Variants in RTN4RL1 observed in about 807,000 individuals in gnomAD.
The protein encoded by RTN4RL1 is reticulon-4 receptor-like 1.
RTN4RL1 carries 7 observed loss-of-function variants against 25.6 expected under a neutral mutation model. The observed-to-expected ratio is 0.27, with a 90% CI of 0.16 to 0.51. The LOEUF is 0.51. Among genes scored for constraint, RTN4RL1 ranks in the 20% least tolerant of loss-of-function variants. The probability of loss-of-function intolerance (pLI) is 0.97; values close to 1 mark genes in which losing one functional copy is unlikely to be tolerated. For synonymous variants in RTN4RL1, 297 were observed against 288.2 expected, an observed-to-expected ratio of 1.03 and a Z score of -0.31; for missense variants, 500 against 615.6, an observed-to-expected ratio of 0.81 and a Z score of 1.99.
intron 1 of RTN4RL1, among the ~76,000 whole-genome samples, chr17:2,002,820 C>T (rs78019703): frequency 0.016 from 2,435 of 152,244 alleles, 67 homozygotes; most frequent in African/African-American, 0.056. Context: ...CAGCCAGGGT[C>T]CTCCATACCC....
At chr17:2,022,474 A>G (rs577765275) in intron 1 of RTN4RL1, among the ~76,000 whole-genome samples, 39 of 152,232 alleles carry the variant, frequency 2.6e-4, no homozygotes, top group Admixed American at 2.5e-3. Flanking sequence ...TTCGCTTGGA[A>G]ACTTTGGGAA....
chr17:1,943,727 G>T (rs1165505390), intron 1 of RTN4RL1, among the ~76,000 whole-genome samples: 1 of 152,176 alleles, frequency 6.6e-6, no homozygotes, highest in Non-Finnish European at 1.5e-5. Context: ...TTCCTGGTGG[G>T]CCCATCATCC....
chr17:1,995,870 G>A (rs972285112), intron 1 of RTN4RL1, among the ~76,000 whole-genome samples: 10 of 152,210 alleles, frequency 6.6e-5, no homozygotes, highest in African/African-American at 1.4e-4. Context: ...TTCTCAGACC[G>A]CCTTCTCCTG....
intron 1 of RTN4RL1, among the ~76,000 whole-genome samples, chr17:1,965,599 C>T (rs2066787120): frequency 6.6e-6 from 1 of 152,078 alleles, no homozygotes; most frequent in Non-Finnish European, 1.5e-5. Context: ...ACCCAGTTAC[C>T]GTGGAGGAGC....
Position 1,961,333 on chromosome 17 carries a change from G to A in RTN4RL1, c.14-23525C>T, listed in dbSNP as rs529470851. Among the ~76,000 whole-genome samples the A allele has an allele frequency of 5.3e-5, 8 of 152,334 alleles. No homozygotes were observed. The East Asian group carries it at 5.8e-4, about 11-fold the overall frequency. ...GGTGGAAGGGGCATTGGAGGACGAC[G>A]GGGCAGGGCATTCCAGGCAGAAGGA... On this transcript the variant is annotated intron_variant, in intron 1 of 1. Coordinates refer to ENST00000331238, the MANE Select transcript of RTN4RL1 (RefSeq NM_178568.4).
rs776650142 is a variant in RTN4RL1 at position 1,936,820 on chromosome 17, G to A, written c.1002C>T (p.Gly334=). 3 of 1,584,048 alleles carry A rather than the reference G, an allele frequency of 1.9e-6. No individual in the cohort carries two copies. Among genetic ancestry groups the A allele is most frequent in the Admixed American group, 1.8e-5 (1 of 55,182 alleles). Residue 334 remains glycine, a synonymous_variant, in exon 2 of 2, where the codon GGC becomes GGT. Coordinates refer to ENST00000331238, the MANE Select transcript of RTN4RL1 (RefSeq NM_178568.4). ...GCGGGTGGCCCTTGCTCCTGGTGGG[G>A]CCGTGGGGTGAGTGGTGTTCCTTGC... ...AARKEHHSPH[G]PTRSKGHPHG...
At chr17:2,016,165 G>T (rs1257544749) in intron 1 of RTN4RL1, among the ~76,000 whole-genome samples, 1 of 152,232 alleles carries the variant, frequency 6.6e-6, no homozygotes, top group East Asian at 1.9e-4. Context: ...AGGATCACCT[G>T]AGGTTAGGAG....
chr17:1,947,524 C>A (rs1915581855), intron 1 of RTN4RL1, among the ~76,000 whole-genome samples: 1 of 152,224 alleles, frequency 6.6e-6, no homozygotes, highest in African/African-American at 2.4e-5. Flanking sequence ...GAATTATGTA[C>A]CCACTCCAGG....
rs113632631 is a variant in RTN4RL1, at chr17:1,990,375, C to T, written c.13+34478G>A. ...AGCAAGACTCCATCTCAAAAATAAACAAATAAAATAAAATAATGAAAAATA... is the reference window on the plus strand; with the variant it reads ...AGCAAGACTCCATCTCAAAAATAAATAAATAAAATAAAATAATGAAAAATA... On this transcript the variant is annotated intron_variant, in intron 1 of 1. Transcript: ENST00000331238. Among the ~76,000 whole-genome samples, 1,384 of 151,370 alleles carry T rather than the reference C, an allele frequency of 9.1e-3. 31 individuals are homozygous for T. The highest frequency in any genetic ancestry group is 0.032 in the African/African-American group (1,316 of 41,212).
At chr17:1,943,691 C>G (rs1915483481) in intron 1 of RTN4RL1, among the ~76,000 whole-genome samples, 1 of 152,232 alleles carries the variant, frequency 6.6e-6, no homozygotes. Flanking sequence ...CACTGTCCCT[C>G]CATGCTGCAC....
intron 1 of RTN4RL1, among the ~76,000 whole-genome samples, chr17:2,005,808 T>C (rs370147948): frequency 2.5e-5 from 3 of 121,042 alleles, no homozygotes; most frequent in Admixed American, 8.3e-5. Flanking sequence ...TTCCTTTTTT[T>C]TTTTTTGACA....
intron 1 of RTN4RL1, among the ~76,000 whole-genome samples, chr17:1,950,905 T>A (rs1915660170): frequency 7.1e-6 from 1 of 141,476 alleles, no homozygotes; most frequent in Non-Finnish European, 1.5e-5. Flanking sequence ...AGACTCTCTC[T>A]CTCTCTCTGT....
At position 1,934,958 on chromosome 17, in the gene RTN4RL1, G is replaced by A. The variant is rs1915264762; in HGVS notation, c.*1538C>T. 6.6e-6 allele frequency: 1 copy of A among 152,320 alleles called. No individual in the cohort carries two copies. Among genetic ancestry groups the A allele is most frequent in the African/African-American group, 2.4e-5 (1 of 41,452 alleles). 9.4% of individuals were successfully genotyped at this position (152,320 alleles called of 1,614,324 possible). ...TGAGCATCCCCAGGACGGCTGGGAG[G>A]GCCAGGTCTTCCGTGATGCAGAAGT... On this transcript the variant is annotated 3_prime_UTR_variant, in exon 2 of 2. Transcript: ENST00000331238. The surrounding 1 kb of genome is among the most constrained non-coding windows in gnomAD (Gnocchi z 4.0).
chr17:1,936,422 G>T lies in RTN4RL1; in HGVS notation c.*74C>A. 6.8e-7 allele frequency: 1 copy of T among 1,462,904 alleles called. No homozygotes were observed. Among genetic ancestry groups the T allele is most frequent in the South Asian group, 1.4e-5 (1 of 72,038 alleles). The allele number at this position is 1,462,904 out of a possible 1,614,324, so 90.6% of individuals were successfully genotyped here. A position where few individuals can be genotyped will look rare whatever the true frequency, so the allele number is the denominator to read the frequency against. On this transcript the variant is annotated 3_prime_UTR_variant, in exon 2 of 2. Transcript: ENST00000331238. ...CTGAAACCCAGCAGATCTTCCACTT[G>T]TTAAAAAAAGAAGAAAATAAATTCT...
chr17:1,991,137 G>C (rs1352327624), intron 1 of RTN4RL1, among the ~76,000 whole-genome samples: 1 of 152,204 alleles, frequency 6.6e-6, no homozygotes, highest in African/African-American at 2.4e-5. Flanking sequence ...AGTGCCAGCT[G>C]ATTTCTGTCT....
intron 1 of RTN4RL1, among the ~76,000 whole-genome samples, chr17:1,987,530 A>G (rs2066892187): frequency 6.6e-6 from 1 of 152,132 alleles, no homozygotes. Context: ...TGTCTGTTTC[A>G]TGAGCCTGTA....
rs183907895 is a variant in RTN4RL1 at position 2,019,838 on chromosome 17, A to C, written c.13+5015T>G. The C allele has an allele frequency of 1.2e-4, 18 of 152,364 alleles. No homozygotes were observed. In the East Asian group the frequency reaches 3.5e-3, roughly 29 times the overall value. 9.4% of individuals were successfully genotyped at this position (152,364 alleles called of 1,614,324 possible). On this transcript the variant is annotated intron_variant, in intron 1 of 1. Coordinates refer to ENST00000331238, the MANE Select transcript of RTN4RL1 (RefSeq NM_178568.4). ...GGACCTGAACACTCTGCAGTAAGGAATTGTTTCCCATGCTGGCATGGTGGG... is the reference window on the plus strand; with the variant it reads ...GGACCTGAACACTCTGCAGTAAGGACTTGTTTCCCATGCTGGCATGGTGGG...
At chr17:1,953,276 T>C (rs1915722098) in intron 1 of RTN4RL1, among the ~76,000 whole-genome samples, 1 of 151,728 alleles carries the variant, frequency 6.6e-6, no homozygotes, top group Non-Finnish European at 1.5e-5. Flanking sequence ...CACAGTGGCA[T>C]GCACCTGTAG....
intron 1 of RTN4RL1, among the ~76,000 whole-genome samples, chr17:2,002,458 A>C (rs2066965578): frequency 2.0e-5 from 3 of 148,538 alleles, no homozygotes; most frequent in African/African-American, 7.7e-5. Context: ...TCGCCTGGCT[A>C]ATTTTTTGTA....
Sources: gnomAD v4.1 joint callset for allele counts (sites outside exome capture counted in the v4.1 genomes callset) on GRCh38, gnomAD v4.1.1 for gene constraint, Gnocchi (gnomAD v3.1) non-coding constraint, MANE v1.5 for transcripts, NCBI Gene and HGNC (gene_info 2026-07-23, HGNC 2026-07-21) for gene names.